MED12L: variants seen among roughly 807,000 people sequenced by gnomAD.
MED12L encodes mediator of RNA polymerase II transcription subunit 12-like protein.
A neutral mutation model predicts 281.3 loss-of-function variants in MED12L; 60 were observed. The ratio of observed to expected loss-of-function variants is 0.21; its 90% CI spans 0.17 to 0.26. MED12L has a LOEUF of 0.26. Among genes scored for constraint, MED12L ranks in the 10% least tolerant of loss-of-function variants. The pLI is 1.00. For synonymous variants in MED12L, 974 were observed against 987.2 expected, an observed-to-expected ratio of 0.99 and a Z score of 0.25; for missense variants, 2,146 against 2,680.9, an observed-to-expected ratio of 0.80 and a Z score of 4.41.
At position 151,158,750 on chromosome 3, in the gene MED12L, G is replaced by C; in HGVS notation, c.788G>C (p.Arg263Thr). 1 of 1,613,266 alleles carries C rather than the reference G, an allele frequency of 6.2e-7. No homozygotes were observed. The highest frequency in any genetic ancestry group is 8.5e-7 in the Non-Finnish European group (1 of 1,179,550). Residue 263 changes from arginine (R) to threonine (T), a missense_variant, in exon 7 of 45, where the codon AGA (arginine) becomes ACA (threonine). Physicochemically the swap from Arg to Thr is moderately conservative, Grantham distance 71 (BLOSUM62 -1). Coordinates refer to ENST00000687756, the MANE Select transcript of MED12L (RefSeq NM_001393769.1). ...ATCCTGGATGTTTTAGAAAAGATCA[G>C]ACCAATGGATGATGATCTTCTTAAA... ...TWILDVLEKI[R>T]PMDDDLLKLL... is the part of the protein sequence containing the mutation.
chr3:151,193,759 T>A, intron 16 of MED12L, 93 bp downstream of exon 16: 1 of 1,131,106 alleles, frequency 8.8e-7, no homozygotes, highest in Non-Finnish European at 1.3e-6. Flanking sequence ...TATTCTTGAC[T>A]AATAATGATA....
At chr3:151,316,224 A>T (rs1380289683) in intron 16 of MED12L, among the ~76,000 whole-genome samples, 1 of 152,172 alleles carries the variant, frequency 6.6e-6, no homozygotes, top group African/African-American at 2.4e-5. Context: ...AACAATACGG[A>T]TAAACGATTA....
intron 16 of MED12L, among the ~76,000 whole-genome samples, chr3:151,260,021 G>A (rs150619088): frequency 2.6e-5 from 4 of 152,052 alleles, no homozygotes; most frequent in Admixed American, 1.3e-4. Flanking sequence ...TGGGGAGCTC[G>A]GGTTATTTTG....
intron 16 of MED12L, among the ~76,000 whole-genome samples, chr3:151,232,331 C>T (rs977589677): frequency 3.3e-5 from 5 of 152,186 alleles, no homozygotes; most frequent in African/African-American, 1.2e-4. Flanking sequence ...GTTCTCTTTT[C>T]TCTGCAACCT....
chr3:151,269,473 G>A, intron 16 of MED12L: 1 of 263,656 alleles, frequency 3.8e-6, no homozygotes, highest in South Asian at 4.1e-5. Context: ...AAGCCAGTGG[G>A]GAGATTGTGA....
intron 43 of MED12L, among the ~76,000 whole-genome samples, chr3:151,420,503 C>A (rs1240489103): frequency 6.6e-6 from 1 of 152,156 alleles, no homozygotes; most frequent in Non-Finnish European, 1.5e-5. Flanking sequence ...GTGCCACTTC[C>A]ACTTCTACCC....
In MED12L at chr3:151,383,067, A is replaced by G. The variant is rs184290466; in HGVS notation, c.4680+322A>G. 2.8e-4 allele frequency among the ~76,000 whole-genome samples: 42 copies of G among 151,956 alleles called. 1 individual carries two copies. Among genetic ancestry groups the G allele is most frequent in the Non-Finnish European group, 2.8e-4 (19 of 68,038 alleles). ...ACTGTTATAAGTGTTAGCTTCTACT[A>G]TACTTACTTAAAACCATTTAAAAAG... On this transcript the variant is annotated intron_variant, in intron 33 of 44. Coordinates refer to ENST00000687756, the MANE Select transcript of MED12L (RefSeq NM_001393769.1).
chr3:151,399,779 G>A lies in MED12L; in HGVS notation c.5820+4912G>A, dbSNP rs528027525. Among the ~76,000 whole-genome samples the A allele has an allele frequency of 7.9e-5, 12 of 151,378 alleles. No individual in the cohort carries two copies. The South Asian group carries it at 1.3e-3, about 16-fold the overall frequency. On this transcript the variant is annotated intron_variant, in intron 39 of 44. Transcript: ENST00000687756. ...ACCTCACCATCCCCCTCACTCTATC[G>A]ATCATCTAGGGAAGGAGCTTGCAGA... is the stretch of plus-strand genomic sequence containing the variant.
chr3:151,106,370 C>A (rs118110201), intron 2 of MED12L, among the ~76,000 whole-genome samples: 3 of 124,022 alleles, frequency 2.4e-5, no homozygotes, highest in African/African-American at 6.0e-5. Flanking sequence ...TACAGGGTCT[C>A]GCCATGTTGG....
rs1177653143 is a variant in MED12L at position 151,153,564 on chromosome 3, C to CTTTTTT, written c.557-2580_557-2575dup. ...GTATGTATCCGTTTCTGTTTTCTTT[C>CTTTTTT]TTTTTTTTTTTTTTTTTTTTTTGAG... On this transcript the variant is annotated intron_variant, in intron 5 of 44. Transcript: ENST00000687756. Among the ~76,000 whole-genome samples the CTTTTTT allele has an allele frequency of 1.4e-3, 128 of 94,266 alleles. 4 individuals carry two copies. The highest frequency in any genetic ancestry group is 3.5e-3 in the African/African-American group (78 of 22,104). 61.8% of individuals were successfully genotyped at this position (94,266 alleles called of 152,430 possible). A position where few individuals can be genotyped will look rare whatever the true frequency, so the allele number is the denominator to read the frequency against.
intron 16 of MED12L, among the ~76,000 whole-genome samples, chr3:151,207,719 A>G (rs535938997): frequency 6.6e-6 from 1 of 152,328 alleles, no homozygotes; most frequent in East Asian, 1.9e-4. Context: ...CCAGTTAAGG[A>G]AAGATTGCAG....
chr3:151,228,347 A>G (rs930659611), intron 16 of MED12L, among the ~76,000 whole-genome samples: 1 of 152,210 alleles, frequency 6.6e-6, no homozygotes, highest in Non-Finnish European at 1.5e-5. Context: ...TCCTGTTCCC[A>G]TAAGAATCAA....
intron 16 of MED12L, among the ~76,000 whole-genome samples, chr3:151,232,046 G>T (rs564850062): frequency 1.2e-4 from 18 of 152,256 alleles, no homozygotes; most frequent in African/African-American, 3.9e-4. Flanking sequence ...CCTGTGCTCC[G>T]TGCCTGACAG....
At chr3:151,171,968 A>AT (rs1484553154) in intron 11 of MED12L, among the ~76,000 whole-genome samples, 3 of 152,124 alleles carry the variant, frequency 2.0e-5, no homozygotes, top group Non-Finnish European at 4.4e-5. Context: ...TATTGAATTC[A>AT]TTTTTTAGAC....
intron 16 of MED12L, among the ~76,000 whole-genome samples, chr3:151,275,381 G>A (rs1016058991): frequency 6.6e-6 from 1 of 152,120 alleles, no homozygotes; most frequent in African/African-American, 2.4e-5. Context: ...TTTGAATGAT[G>A]AGGGGTCAGA....
chr3:151,404,351 G>A (rs1716046175), intron 39 of MED12L, among the ~76,000 whole-genome samples: 1 of 152,172 alleles, frequency 6.6e-6, no homozygotes, highest in Non-Finnish European at 1.5e-5. Flanking sequence ...GAATGAATCA[G>A]ACTATTCTAG....
At chr3:151,368,629 TATTTCATTTC>T (rs1159385723) in intron 25 of MED12L, among the ~76,000 whole-genome samples, 14,666 of 92,018 alleles carry the variant, frequency 0.16, 1,277 homozygotes, top group South Asian at 0.27. Context: ...TATTTTATTT[TATTTCATTTC>T]ATTTCATTTC....
intron 16 of MED12L, among the ~76,000 whole-genome samples, chr3:151,286,298 C>A (rs1277451289): frequency 2.0e-5 from 3 of 152,202 alleles, no homozygotes; most frequent in Non-Finnish European, 2.9e-5. Context: ...TTTGTACCTA[C>A]CAGTCCATAG....
chr3:151,151,772 A>G (rs1181618681), intron 5 of MED12L, among the ~76,000 whole-genome samples: 2 of 152,200 alleles, frequency 1.3e-5, no homozygotes, highest in Non-Finnish European at 2.9e-5. Flanking sequence ...ATAATAACTG[A>G]AAAGTTTGAA....
Sources: gnomAD v4.1 joint callset for allele counts (sites outside exome capture counted in the v4.1 genomes callset) on GRCh38, gnomAD v4.1.1 for gene constraint, MANE v1.5 for transcripts, NCBI Gene and HGNC (gene_info 2026-07-23, HGNC 2026-07-21) for gene names.